The following PRKCH variants were observed in gnomAD, a reference collection of about 807,000 sequenced individuals.
PRKCH encodes the protein protein kinase C eta type.
In PRKCH, 28 loss-of-function variants were observed where a neutral mutation model predicts 82.5. That is an observed-to-expected ratio of 0.34 (90% CI 0.25 to 0.47). The LOEUF is 0.47. PRKCH is among the 20% of genes least tolerant of loss of function. The pLI is 1.00. For synonymous variants in PRKCH, 322 were observed against 327.4 expected (o/e 0.98, Z 0.18); for missense variants, 705 against 881.8 (o/e 0.80, Z 2.54).
chr14:61,409,095 C>T (rs1349180883), intron 2 of PRKCH, among the ~76,000 whole-genome samples: 1 of 152,214 alleles, frequency 6.6e-6, no homozygotes, highest in African/African-American at 2.4e-5. Context: ...TTTCCCAAGC[C>T]ACTGCTTGAG....
At chr14:61,325,320 A>G (rs1345779704) in intron 1 of PRKCH, among the ~76,000 whole-genome samples, 3 of 152,238 alleles carry the variant, frequency 2.0e-5, no homozygotes, top group Non-Finnish European at 4.4e-5. Context: ...ATCCACACAT[A>G]TATGACCCAC....
chr14:61,450,065 C>T (rs1440491782), intron 5 of PRKCH, among the ~76,000 whole-genome samples: 1 of 152,188 alleles, frequency 6.6e-6, no homozygotes, highest in African/African-American at 2.4e-5. Context: ...GGAAGAATGA[C>T]TCTGGAACAC....
chr14:61,372,702 G>A (rs28500639), intron 1 of PRKCH, among the ~76,000 whole-genome samples: 14,732 of 151,962 alleles, frequency 0.097, 1,263 homozygotes, highest in East Asian at 0.21. Flanking sequence ...TTCTTTCAGT[G>A]AGGTTATTTC....
At chr14:61,318,893 A>G (rs1000363309), upstream of PRKCH, among the ~76,000 whole-genome samples, 20 of 152,050 alleles carry the variant, frequency 1.3e-4, no homozygotes, top group Admixed American at 1.2e-3. Flanking sequence ...CAGTCTTGCC[A>G]TGTTGCCAAG....
chr14:61,374,445 G>A (rs372702472), intron 1 of PRKCH, among the ~76,000 whole-genome samples: 1 of 152,110 alleles, frequency 6.6e-6, no homozygotes, highest in African/African-American at 2.4e-5. Flanking sequence ...CCCCTTTGCA[G>A]TGCCCTCATA....
intron 1 of PRKCH, among the ~76,000 whole-genome samples, chr14:61,296,081 T>C (rs1809534797): frequency 6.6e-6 from 1 of 152,178 alleles, no homozygotes; most frequent in African/African-American, 2.4e-5. Context: ...CATCATAACA[T>C]GTTAGAGGAA....
rs549096822 is a variant in PRKCH at position 61,491,988 on chromosome 14, T to A, written c.1433+6332T>A. ...GTGATTCTATCCAGTTAGGGAAAGA[T>A]GGAAGATTTTTATAAGGAAGTGACT... On this transcript the variant is annotated intron_variant, in intron 10 of 13. Coordinates refer to ENST00000332981, the MANE Select transcript of PRKCH (RefSeq NM_006255.5). Among the ~76,000 whole-genome samples, 12 of 152,102 alleles carry A rather than the reference T, an allele frequency of 7.9e-5. No individual in the cohort carries two copies. The East Asian group carries it at 2.1e-3, about 27-fold the overall frequency.
At chr14:61,449,116 G>T in intron 4 of PRKCH, 48 bp from the exon 5 acceptor site, 1 of 1,559,696 alleles carries the variant, frequency 6.4e-7, no homozygotes, top group Non-Finnish European at 8.8e-7. Context: ...TAACTGGCTG[G>T]ACTGTGAGCT....
chr14:61,191,321 C>T (rs952030253), intron 1 of PRKCH, among the ~76,000 whole-genome samples: 15 of 152,098 alleles, frequency 9.9e-5, no homozygotes, highest in African/African-American at 3.6e-4. Context: ...CTATTTTTTT[C>T]TCAGGCTCTC....
intron 1 of PRKCH, among the ~76,000 whole-genome samples, chr14:61,359,253 G>A (rs1420169357): frequency 6.6e-6 from 1 of 152,174 alleles, no homozygotes; most frequent in Non-Finnish European, 1.5e-5. Context: ...CGTATCAGAG[G>A]TTCAAGCCAT....
At chr14:61,352,627 G>A (rs1566833875) in intron 1 of PRKCH, among the ~76,000 whole-genome samples, 1 of 150,584 alleles carries the variant, frequency 6.6e-6, no homozygotes, top group Non-Finnish European at 1.5e-5. Context: ...TTGACAGAGC[G>A]AGACTCCATC....
intron 1 of PRKCH, among the ~76,000 whole-genome samples, chr14:61,271,559 C>T (rs909422092): frequency 1.7e-4 from 26 of 152,312 alleles, no homozygotes; most frequent in Non-Finnish European, 3.1e-4. Context: ...GCCTCTCAGT[C>T]GGCCAACCTG....
intron 2 of PRKCH, among the ~76,000 whole-genome samples, chr14:61,413,129 A>G (rs1039975753): frequency 6.6e-6 from 1 of 152,000 alleles, no homozygotes; most frequent in Non-Finnish European, 1.5e-5. Context: ...TATCTTGACA[A>G]ACGTTTTGTA....
intron 9 of PRKCH, chr14:61,476,602 G>A (rs1885740771): frequency 6.6e-6 from 1 of 152,196 alleles, no homozygotes; most frequent in Non-Finnish European, 1.5e-5. Context: ...ATGCCAGTAA[G>A]CCTTGTCAGG....
chr14:61,423,878 C>T (rs1414419314), intron 2 of PRKCH, among the ~76,000 whole-genome samples: 1 of 152,166 alleles, frequency 6.6e-6, no homozygotes, highest in African/African-American at 2.4e-5. Flanking sequence ...TTTGTGTCCT[C>T]ACCCAAATCT....
intron 1 of PRKCH, among the ~76,000 whole-genome samples, chr14:61,244,060 C>T (rs758491567): frequency 1.1e-4 from 16 of 151,950 alleles, no homozygotes; most frequent in Admixed American, 4.6e-4. Flanking sequence ...TTTGGGGCAA[C>T]GGAGCATGCT....
At chr14:61,521,373 T>C (rs1441826396) in intron 10 of PRKCH, among the ~76,000 whole-genome samples, 1 of 152,148 alleles carries the variant, frequency 6.6e-6, no homozygotes, top group Non-Finnish European at 1.5e-5. Context: ...CATTCCACGG[T>C]TGATACATAA....
intron 1 of PRKCH, among the ~76,000 whole-genome samples, chr14:61,341,010 G>A (rs1566828555): frequency 1.3e-5 from 2 of 152,128 alleles, no homozygotes; most frequent in Admixed American, 1.3e-4. Context: ...TATTGTGATG[G>A]CCTTGGAACT....
chr14:61,254,933 G>A (rs544528106), intron 1 of PRKCH, among the ~76,000 whole-genome samples: 44 of 152,068 alleles, frequency 2.9e-4, no homozygotes, highest in Non-Finnish European at 5.4e-4. Flanking sequence ...CTGTACTGCC[G>A]CCTGCCAGGT....
Sources: allele counts gnomAD v4.1 joint callset (sites outside exome capture counted in the v4.1 genomes callset), GRCh38; gene constraint gnomAD v4.1.1; transcripts MANE v1.5; gene names NCBI Gene and HGNC (gene_info 2026-07-23, HGNC 2026-07-21).